The following COL24A1 variants were observed in gnomAD, a reference collection of about 807,000 sequenced individuals.
COL24A1 encodes the protein collagen alpha-1(XXIV) chain.
Under a neutral mutation model 253.9 loss-of-function variants are expected in COL24A1, and 224 were observed. The ratio of observed to expected loss-of-function variants is 0.88; its 90% CI spans 0.79 to 0.99. COL24A1 has a LOEUF of 0.99. COL24A1 is among the 50% of genes least tolerant of loss of function. COL24A1 has a pLI of 0.00. For missense variants in COL24A1, 2,131 were observed against 2,068.5 expected (o/e 1.03, Z -0.59); for synonymous variants, 685 against 673.7 (o/e 1.02, Z -0.26).
chr1:85,874,551 G>T, intron 35 of COL24A1, 98 bp downstream of exon 35: 3 of 1,042,766 alleles, frequency 2.9e-6, no homozygotes, highest in Admixed American at 2.5e-5. Context: ...GTATCAGAAA[G>T]GTTTATTATC....
intron 7 of COL24A1, among the ~76,000 whole-genome samples, 192 bp from the exon 8 acceptor site, chr1:86,063,951 A>C (rs12354100): frequency 0.25 from 37,425 of 151,682 alleles, 4,882 homozygotes; most frequent in Middle Eastern, 0.34. Context: ...TATTAAATAA[A>C]AAATTAATTC....
At position 85,908,668 on chromosome 1, in the gene COL24A1, A is replaced by C; in HGVS notation, c.2671-17T>G. The stretch of plus-strand genomic sequence containing the variant: ...TGGATATCCCTATAATTTAAGGAAA[A>C]TATAAAAGAAGTAAAATATTCATGA... On this transcript the variant is annotated splice_polypyrimidine_tract_variant and intron_variant, in intron 26 of 59. Transcript: ENST00000370571. 1 of 1,255,630 alleles carries C rather than the reference A, an allele frequency of 8.0e-7. No individual in the cohort carries two copies. The allele number at this position is 1,255,630 out of a possible 1,614,324, so 77.8% of individuals were successfully genotyped here. A position where few individuals can be genotyped will look rare whatever the true frequency, so the allele number is the denominator to read the frequency against.
chr1:86,003,976 C>G (rs367669976), intron 19 of COL24A1, among the ~76,000 whole-genome samples: 1 of 152,122 alleles, frequency 6.6e-6, no homozygotes, highest in East Asian at 1.9e-4. Context: ...TTTGGTCACT[C>G]CCAGATTGGC....
At position 85,729,934 on chromosome 1, in the gene COL24A1, T is replaced by C. The variant is rs1179947383; in HGVS notation, c.*612A>G. 7.2e-5 allele frequency: 11 copies of C among 152,552 alleles called. No individual in the cohort carries two copies. Among genetic ancestry groups the C allele is most frequent in the Non-Finnish European group, 1.5e-5 (1 of 68,030 alleles). The allele number at this position is 152,552 out of a possible 1,614,324, so 9.4% of individuals were successfully genotyped here. Reference sequence around the variant, plus strand: ...AAGTACTAACAACCAAAACATATCTTGATGTAACCAGTACATACACTTTTA... The same window carrying C: ...AAGTACTAACAACCAAAACATATCTCGATGTAACCAGTACATACACTTTTA... On this transcript the variant is annotated 3_prime_UTR_variant, in exon 60 of 60. Coordinates refer to ENST00000370571, the MANE Select transcript of COL24A1 (RefSeq NM_152890.7).
chr1:85,865,723 CA>C (rs1359117645), intron 37 of COL24A1, among the ~76,000 whole-genome samples: 1 of 152,104 alleles, frequency 6.6e-6, no homozygotes, highest in African/African-American at 2.4e-5. Context: ...TTTAAATATA[CA>C]TACTAAAGTA....
chr1:86,149,146 C>T (rs527881852), intron 1 of COL24A1, among the ~76,000 whole-genome samples: 10 of 152,206 alleles, frequency 6.6e-5, no homozygotes, highest in Non-Finnish European at 1.3e-4. Context: ...CTGCCTGCTT[C>T]AGCCTCCCAA....
chr1:85,786,209 C>G, intron 48 of COL24A1, 145 bp downstream of exon 48: 3 of 596,708 alleles, frequency 5.0e-6, no homozygotes, highest in Non-Finnish European at 8.4e-6. Flanking sequence ...AAACTACATA[C>G]TTTCTCTTTT....
At chr1:86,111,188 G>A (rs7547483) in intron 5 of COL24A1, among the ~76,000 whole-genome samples, 136,983 of 144,846 alleles carry the variant, frequency 0.95, 64,755 homozygotes, top group Non-Finnish European at 0.98. Context: ...AAATGCACCA[G>A]TCAGCACTCT....
rs1352177231 is a variant in COL24A1, at chr1:85,937,064, G to GTA, written c.2562+24183_2562+24184dup. On this transcript the variant is annotated intron_variant, in intron 24 of 59. Coordinates refer to ENST00000370571, the MANE Select transcript of COL24A1 (RefSeq NM_152890.7). ...AGCAAGTTGTCCATATTCCCAGCCA[G>GTA]TACCTCTTCTTTAGCTGACACCTTT... Among the ~76,000 whole-genome samples, 7 of 147,624 alleles carry GTA rather than the reference G, an allele frequency of 4.7e-5. 1 individual carries two copies. Among genetic ancestry groups the GTA allele is most frequent in the Admixed American group, 1.4e-4 (2 of 14,730 alleles).
chr1:85,734,709 T>C, intron 59 of COL24A1, 40 bp downstream of exon 59: 1 of 1,521,318 alleles, frequency 6.6e-7, no homozygotes, highest in Non-Finnish European at 9.1e-7. Flanking sequence ...CAATTTTAAG[T>C]TAGTTATATT....
chr1:85,972,340 T>A (rs2100778737), intron 20 of COL24A1, among the ~76,000 whole-genome samples: 1 of 152,280 alleles, frequency 6.6e-6, no homozygotes, highest in Admixed American at 6.5e-5. Flanking sequence ...AATCTTTCCT[T>A]CATGTTATAT....
In COL24A1 at chr1:86,023,001, C is replaced by T. The variant is rs752181199; in HGVS notation, c.2056G>A (p.Val686Ile). The change falls in exon 15 of 60, where the codon GTT becomes ATT. Residue 686 changes from valine to isoleucine, a missense_variant. Coordinates refer to ENST00000370571, the MANE Select transcript of COL24A1 (RefSeq NM_152890.7). ...GGTCCAATTGGTCCCACAGGGCCAA[C>T]ACTGCCCTGGAAAACAGTAAGAAAG... ...PPGFPGLRGS[V>I]GPVGPIGPAG... 3.1e-6 allele frequency: 5 copies of T among 1,612,714 alleles called. No individual in the cohort carries two copies. The highest frequency in any genetic ancestry group is 2.2e-5 in the South Asian group (2 of 90,924).
At chr1:85,976,328 C>T (rs933956538) in intron 20 of COL24A1, among the ~76,000 whole-genome samples, 2 of 152,144 alleles carry the variant, frequency 1.3e-5, no homozygotes, top group South Asian at 2.1e-4. Flanking sequence ...GGGGCAAAAC[C>T]GACCTCTACA....
In COL24A1 at chr1:86,138,593, G is replaced by T. The variant is rs1246028385; in HGVS notation, c.121+7526C>A. On this transcript the variant is annotated intron_variant, in intron 2 of 59. Transcript: ENST00000370571. ...TCTTTGCCTGCTGCCATCGAGGTAA[G>T]ATGTGACTTGCTCCTCCTGGCCTTC... 1.3e-5 allele frequency among the ~76,000 whole-genome samples: 2 copies of T among 152,170 alleles called. 1 individual carries two copies. Among genetic ancestry groups the T allele is most frequent in the African/African-American group, 4.8e-5 (2 of 41,436 alleles).
Position 85,907,191 on chromosome 1 carries a change from T to G in COL24A1, c.2778+3A>C. 1 of 1,610,282 alleles carries G rather than the reference T, an allele frequency of 6.2e-7. No individual in the cohort carries two copies. The highest frequency in any genetic ancestry group is 8.5e-7 in the Non-Finnish European group (1 of 1,177,210). ...AATGTACTTTTTTCCTTAGATTACTTACTCTTTGTCCTTTAGGACCTTGAC... is the reference window on the plus strand; with the variant it reads ...AATGTACTTTTTTCCTTAGATTACTGACTCTTTGTCCTTTAGGACCTTGAC... On this transcript the variant is annotated splice_donor_region_variant and intron_variant, in intron 28 of 59. Transcript: ENST00000370571.
At chr1:85,773,882 C>T (rs1361067172) in intron 53 of COL24A1, among the ~76,000 whole-genome samples, 1 of 152,148 alleles carries the variant, frequency 6.6e-6, no homozygotes, top group Admixed American at 6.6e-5. Flanking sequence ...TGCCTGATTT[C>T]CCTGGCCAGA....
rs1402936497 is a variant in COL24A1 at position 85,937,755 on chromosome 1, T to G, written c.2562+23494A>C. Among the ~76,000 whole-genome samples the G allele has an allele frequency of 1.4e-5, 2 of 147,638 alleles. 1 individual carries two copies. The highest frequency in any genetic ancestry group is 3.0e-5 in the Non-Finnish European group (2 of 66,734). On this transcript the variant is annotated intron_variant, in intron 24 of 59. Coordinates refer to ENST00000370571, the MANE Select transcript of COL24A1 (RefSeq NM_152890.7). Reference sequence around the variant, plus strand: ...TTAAGCCCACAACATGGTACCATTCTTTGAGAAGCCCAACCAGCTAGTTGG... The same window carrying G: ...TTAAGCCCACAACATGGTACCATTCGTTGAGAAGCCCAACCAGCTAGTTGG...
chr1:86,137,608 T>A (rs1237088218), intron 2 of COL24A1, among the ~76,000 whole-genome samples: 1 of 152,150 alleles, frequency 6.6e-6, no homozygotes, highest in African/African-American at 2.4e-5. Context: ...GCTTCTGAAG[T>A]GTAAAATAAA....
At chr1:85,884,057 C>G (rs2102686262) in intron 32 of COL24A1, among the ~76,000 whole-genome samples, 1 of 152,314 alleles carries the variant, frequency 6.6e-6, no homozygotes, top group African/African-American at 2.4e-5. Context: ...TTTCTTCTCT[C>G]TGAAGAACTT....
Sources: allele counts gnomAD v4.1 joint callset (sites outside exome capture counted in the v4.1 genomes callset), GRCh38; gene constraint gnomAD v4.1.1; transcripts MANE v1.5; gene names NCBI Gene and HGNC (gene_info 2026-07-23, HGNC 2026-07-21).